Variants in TRPV4 observed in about 807,000 individuals in gnomAD.
The protein encoded by TRPV4 is transient receptor potential cation channel subfamily V member 4.
A neutral mutation model predicts 84.1 loss-of-function variants in TRPV4; 58 were observed. The ratio of observed to expected loss-of-function variants is 0.69; its 90% CI spans 0.56 to 0.86. The LOEUF is 0.86. Ranked by LOEUF, TRPV4 falls within the 40% of genes least tolerant of loss-of-function variation. The pLI is 0.00. For missense variants in TRPV4, 879 were observed against 1,181.1 expected (o/e 0.74, Z 3.75); for synonymous variants, 489 against 500.9 (o/e 0.98, Z 0.32).
At position 109,793,936 on chromosome 12, in the gene TRPV4, G is replaced by A. The variant is rs762257218; in HGVS notation, c.1578C>T (p.Phe526=). 19 of 1,608,664 alleles carry A rather than the reference G, an allele frequency of 1.2e-5. No homozygotes were observed. The highest frequency in any genetic ancestry group is 9.0e-5 in the South Asian group (8 of 89,272). The change falls in exon 9 of 16, where the codon TTC becomes TTT. Residue 526 remains phenylalanine (F), a synonymous_variant. Coordinates refer to ENST00000261740, the MANE Select transcript of TRPV4 (RefSeq NM_021625.5). This position sits in a 1 kb window ranked among gnomAD's most constrained non-coding sequence, Gnocchi z 4.0. ...ACGGGGGCCAGGCACTTACGTTGGT[G>A]AAGAAGAACAGGACCCCAGTGAAGA... ...ITLFTGVLFF[F]TNIKDLFMKK...
intron 1 of TRPV4, among the ~76,000 whole-genome samples, chr12:109,822,855 G>T (rs904031188): frequency 6.6e-6 from 1 of 152,202 alleles, no homozygotes; most frequent in Non-Finnish European, 1.5e-5. Context: ...CCAGTGCCTG[G>T]TACAGAGCAT....
chr12:109,794,018 G>A lies in TRPV4; in HGVS notation c.1496C>T (p.Pro499Leu), dbSNP rs115358347. ...GTCCACCGTGGTGCGGTAAGGGTAC[G>A]GCGGCTGGGGAGCAGCAAGGGCACA... ...AYYQPLEGTP[P>L]YPYRTTVDYL... Residue 499 changes from proline to leucine, a missense_variant, in exon 9 of 16, where the codon CCG (proline) becomes CTG (leucine). By Grantham distance (98) the Pro-to-Leu change is moderately conservative (BLOSUM62 -3). Around this residue, in one of 4 missense-constraint regions of TRPV4, gnomAD observed 521 missense variants for 686.6 expected, o/e 0.76. Coordinates refer to ENST00000261740, the MANE Select transcript of TRPV4 (RefSeq NM_021625.5). The A allele has an allele frequency of 3.7e-5, 60 of 1,602,532 alleles. 1 individual carries two copies. Among genetic ancestry groups the A allele is most frequent in the South Asian group, 1.9e-4 (17 of 88,380 alleles).
Position 109,827,025 on chromosome 12 carries a change from G to A in TRPV4, c.-32+6325C>T, listed in dbSNP as rs1592875123. ...GCTGCTCAAGATGTATTTGCTGGAT[G>A]AATGAATGAATGAATGAATGAACAG... On this transcript the variant is annotated intron_variant, in intron 1 of 15. Coordinates refer to ENST00000261740, the MANE Select transcript of TRPV4 (RefSeq NM_021625.5). Among the ~76,000 whole-genome samples the A allele has an allele frequency of 3.3e-5, 5 of 152,224 alleles. No homozygotes were observed. In the South Asian group the frequency reaches 1.0e-3, roughly 32 times the overall value.
chr12:109,799,635 G>A (rs1235031061), intron 5 of TRPV4, among the ~76,000 whole-genome samples: 2 of 152,228 alleles, frequency 1.3e-5, no homozygotes, highest in Non-Finnish European at 2.9e-5. Flanking sequence ...TACAGAGCTG[G>A]GCGCTGACAT....
intron 4 of TRPV4, 95 bp from the exon 5 acceptor site, chr12:109,800,853 G>C: frequency 9.3e-7 from 1 of 1,071,132 alleles, no homozygotes; most frequent in Admixed American, 1.9e-5. Flanking sequence ...GTAGAAATTG[G>C]GGGGTGGGGG....
At chr12:109,784,848 A>G (rs1466911329) in intron 14 of TRPV4, among the ~76,000 whole-genome samples, 10 of 123,708 alleles carry the variant, frequency 8.1e-5, no homozygotes, top group Non-Finnish European at 1.2e-4. Flanking sequence ...CTCAAAAAAA[A>G]AAAAAAAAAG....
intron 1 of TRPV4, among the ~76,000 whole-genome samples, chr12:109,833,013 T>C (rs1892457316): frequency 6.6e-6 from 1 of 151,976 alleles, no homozygotes; most frequent in Non-Finnish European, 1.5e-5. Flanking sequence ...CTCTTCCAAG[T>C]CTCCTAAGGT....
At chr12:109,795,706 T>C (rs1022800840) in intron 7 of TRPV4, among the ~76,000 whole-genome samples, 1 of 152,138 alleles carries the variant, frequency 6.6e-6, no homozygotes, top group Non-Finnish European at 1.5e-5. Context: ...GTTCACAAAA[T>C]ACTGCTAAGT....
rs781435982 is a variant in TRPV4, at chr12:109,815,157, T to C, written c.-31-330A>G. On this transcript the variant is annotated intron_variant, in intron 1 of 15. Transcript: ENST00000261740. The surrounding 1 kb of genome is among the most constrained non-coding windows in gnomAD (Gnocchi z 4.1). ...CTACTGCTGACCAAGAAAGCCAGCT[T>C]TGGAGCCCCAGAGAGCCAAGTTCAA... Among the ~76,000 whole-genome samples the C allele has an allele frequency of 3.9e-5, 6 of 152,246 alleles. No homozygotes were observed. The highest frequency in any genetic ancestry group is 8.8e-5 in the Non-Finnish European group (6 of 68,042).
rs1428263846 is a variant in TRPV4 at position 109,798,237 on chromosome 12, C to A, written c.1152+377G>T. On this transcript the variant is annotated intron_variant, in intron 6 of 15. Transcript: ENST00000261740. The surrounding 1 kb of genome is among the most constrained non-coding windows in gnomAD (Gnocchi z 5.0). ...ATGCTGAAGTTGAGAAACCCTTCTC[C>A]AGGCCCCATGCTGCGCGGCCCAGAA... is the stretch of plus-strand genomic sequence containing the variant. 1.3e-5 allele frequency among the ~76,000 whole-genome samples: 2 copies of A among 152,300 alleles called. No individual in the cohort carries two copies. The highest frequency in any genetic ancestry group is 4.8e-5 in the African/African-American group (2 of 41,574).
In TRPV4 at chr12:109,833,353, C is replaced by T. The variant is rs1892470049; in HGVS notation, c.-35G>A. On this transcript the variant is annotated 5_prime_UTR_variant, in exon 1 of 16. Coordinates refer to ENST00000261740, the MANE Select transcript of TRPV4 (RefSeq NM_021625.5). ...CCCGGGCCCGGGCCCCACTTACCTC[C>T]GGGACGGCTGGGCGCCGGCGGCCGG... The T allele has an allele frequency of 6.6e-6, 1 of 152,248 alleles. No homozygotes were observed. The highest frequency in any genetic ancestry group is 2.4e-5 in the African/African-American group (1 of 41,452). The allele number at this position is 152,248 out of a possible 1,614,324, so 9.4% of individuals were successfully genotyped here. A position where few individuals can be genotyped will look rare whatever the true frequency, so the allele number is the denominator to read the frequency against.
At chr12:109,797,280 TA>T in intron 6 of TRPV4, among the ~76,000 whole-genome samples, 1 of 151,978 alleles carries the variant, frequency 6.6e-6, no homozygotes, top group South Asian at 2.1e-4. Context: ...GCCTCCTGAG[TA>T]GCTGGGATTA....
chr12:109,798,190 G>C lies in TRPV4; in HGVS notation c.1152+424C>G, dbSNP rs1890528679. 6.6e-6 allele frequency among the ~76,000 whole-genome samples: 1 copy of C among 152,224 alleles called. No individual in the cohort carries two copies. The highest frequency in any genetic ancestry group is 1.5e-5 in the Non-Finnish European group (1 of 68,042). Reference sequence around the variant, plus strand: ...AGCACAAGACGGTCCCCACCACAAAGAGCCTGCCGCCCAAAATAATCATGC... The same window carrying C: ...AGCACAAGACGGTCCCCACCACAAACAGCCTGCCGCCCAAAATAATCATGC... On this transcript the variant is annotated intron_variant, in intron 6 of 15. Coordinates refer to ENST00000261740, the MANE Select transcript of TRPV4 (RefSeq NM_021625.5). The surrounding 1 kb of genome is among the most constrained non-coding windows in gnomAD (Gnocchi z 5.0).
At position 109,793,866 on chromosome 12, in the gene TRPV4, A is replaced by C; in HGVS notation, c.1584+64T>G. 1 of 1,196,638 alleles carries C rather than the reference A, an allele frequency of 8.4e-7. No homozygotes were observed. Among genetic ancestry groups the C allele is most frequent in the Non-Finnish European group, 1.2e-6 (1 of 817,766 alleles). 74.1% of individuals were successfully genotyped at this position (1,196,638 alleles called of 1,614,324 possible). A position where few individuals can be genotyped will look rare whatever the true frequency, so the allele number is the denominator to read the frequency against. On this transcript the variant is annotated intron_variant, in intron 9 of 15. Coordinates refer to ENST00000261740, the MANE Select transcript of TRPV4 (RefSeq NM_021625.5). This position sits in a 1 kb window ranked among gnomAD's most constrained non-coding sequence, Gnocchi z 4.0. ...GAGAGAAGAGAAAAAGAGGGAGAGA[A>C]AAGAGGTGCAGGAAGAGAAGAGGAG...
Position 109,784,683 on chromosome 12 carries a change from T to A in TRPV4, c.2337-246A>T, listed in dbSNP as rs61581475. ...CACCTCTACTAAAAATTAAAAAAAA[T>A]TAAAAAAAAAATTAGCGGGGCATGG... is the stretch of plus-strand genomic sequence containing the variant. On this transcript the variant is annotated intron_variant, in intron 14 of 15. Transcript: ENST00000261740. Among the ~76,000 whole-genome samples the A allele has an allele frequency of 0.014, 2,130 of 150,458 alleles. 43 individuals carry two copies. The highest frequency in any genetic ancestry group is 0.041 in the African/African-American group (1,692 of 40,880).
At chr12:109,792,258 A>C in intron 12 of TRPV4, 105 bp downstream of exon 12, 1 of 885,522 alleles carries the variant, frequency 1.1e-6, no homozygotes, top group Non-Finnish European at 1.7e-6. Context: ...AAAAAAAAAA[A>C]AAAAAAAGAA....
At chr12:109,800,901 G>T in intron 4 of TRPV4, 143 bp from the exon 5 acceptor site, 1 of 754,670 alleles carries the variant, frequency 1.3e-6, no homozygotes, top group Non-Finnish European at 2.3e-6. Context: ...CCCAAGGGCA[G>T]CAAATAGGTC....
Position 109,799,012 on chromosome 12 carries a change from T to C in TRPV4, c.854-100A>G, listed in dbSNP as rs914995272. On this transcript the variant is annotated intron_variant, in intron 5 of 15. Coordinates refer to ENST00000261740, the MANE Select transcript of TRPV4 (RefSeq NM_021625.5). ...GACGGACACCGTGGCGCTCTGAGGA[T>C]AATGACGGAGACAGCACCAGCAGTG... 7.6e-6 allele frequency: 9 copies of C among 1,180,642 alleles called. No homozygotes were observed. In the African/African-American group the frequency reaches 1.2e-4, roughly 16 times the overall value. 73.1% of individuals were successfully genotyped at this position (1,180,642 alleles called of 1,614,324 possible).
intron 1 of TRPV4, among the ~76,000 whole-genome samples, chr12:109,821,164 C>T (rs1892086318): frequency 6.6e-6 from 1 of 152,272 alleles, no homozygotes; most frequent in Non-Finnish European, 1.5e-5. Flanking sequence ...ACCTGCTCCG[C>T]CCCAGCGGGG....
Sources: allele counts gnomAD v4.1 joint callset (sites outside exome capture counted in the v4.1 genomes callset), GRCh38; gene constraint gnomAD v4.1.1; regional missense constraint gnomAD v4.1.1; non-coding constraint Gnocchi (gnomAD v3.1); transcripts MANE v1.5; gene names NCBI Gene and HGNC (gene_info 2026-07-23, HGNC 2026-07-21).